Variants in LIPC observed in about 807,000 individuals in gnomAD.
LIPC encodes the protein lipase C, hepatic type.
LIPC carries 44 observed loss-of-function variants against 50.7 expected under a neutral mutation model. The ratio of observed to expected loss-of-function variants is 0.87; its 90% confidence interval spans 0.68 to 1.11. LIPC has a LOEUF of 1.11. Among genes scored for constraint, LIPC ranks in the 50% most tolerant of loss-of-function variants. The pLI is 0.00. For synonymous variants in LIPC, 271 were observed against 256.4 expected (o/e 1.06, Z -0.54); for missense variants, 697 against 648.2 (o/e 1.08, Z -0.82).
chr15:58,480,414 C>T (rs889941844), intron 1 of LIPC, among the ~76,000 whole-genome samples: 5 of 152,168 alleles, frequency 3.3e-5, no homozygotes, highest in African/African-American at 4.8e-5. Context: ...CCTGCCTTGG[C>T]GTCTCAAGTA....
At chr15:58,562,475 T>G (rs1253480750) in intron 7 of LIPC, among the ~76,000 whole-genome samples, 1 of 152,150 alleles carries the variant, frequency 6.6e-6, no homozygotes, top group East Asian at 1.9e-4. Context: ...CCATCTGTCC[T>G]TCACCCTGTT....
At chr15:58,511,238 T>C (rs1892321897) in intron 1 of LIPC, among the ~76,000 whole-genome samples, 1 of 152,150 alleles carries the variant, frequency 6.6e-6, no homozygotes, top group Non-Finnish European at 1.5e-5. Flanking sequence ...TTCTCAGCTG[T>C]TCATTCAACT....
At chr15:58,459,856 C>T (rs1249902207) in intron 1 of LIPC, among the ~76,000 whole-genome samples, 1 of 152,254 alleles carries the variant, frequency 6.6e-6, no homozygotes, top group East Asian at 1.9e-4. Flanking sequence ...TCAGCTTCCT[C>T]CTTCACAGGC....
At chr15:58,542,007 C>T in intron 3 of LIPC, 40 bp downstream of exon 3, 8 of 1,572,282 alleles carry the variant, frequency 5.1e-6, no homozygotes, top group Non-Finnish European at 6.9e-6. Flanking sequence ...TCCCTTCCCT[C>T]CTTTCCCTTC....
intron 1 of LIPC, among the ~76,000 whole-genome samples, chr15:58,434,373 G>T (rs1401931141): frequency 1.3e-5 from 2 of 152,154 alleles, no homozygotes; most frequent in African/African-American, 4.8e-5. Flanking sequence ...AGTCACTAAT[G>T]TGCTGCACAC....
intron 1 of LIPC, among the ~76,000 whole-genome samples, chr15:58,528,965 T>C (rs1892869594): frequency 6.6e-6 from 1 of 152,148 alleles, no homozygotes. Flanking sequence ...ATGAGGTAGG[T>C]GGCTCTGGGC....
chr15:58,544,750 C>T (rs1194526795), intron 4 of LIPC, among the ~76,000 whole-genome samples: 1 of 152,104 alleles, frequency 6.6e-6, no homozygotes, highest in South Asian at 2.1e-4. Flanking sequence ...GGTGATCTCA[C>T]GGCTCACTCT....
intron 1 of LIPC, among the ~76,000 whole-genome samples, chr15:58,442,538 C>G (rs1893542869): frequency 6.6e-6 from 1 of 152,198 alleles, no homozygotes; most frequent in Non-Finnish European, 1.5e-5. Context: ...GAAGAAAACT[C>G]TTACATTTCT....
At chr15:58,563,093 G>T (rs1184209802) in intron 7 of LIPC, among the ~76,000 whole-genome samples, 3 of 152,114 alleles carry the variant, frequency 2.0e-5, no homozygotes, top group Admixed American at 2.0e-4. Flanking sequence ...TATATGGGGG[G>T]AGGAGCATTA....
chr15:58,556,298 T>C (rs1893948555), intron 6 of LIPC, among the ~76,000 whole-genome samples: 1 of 152,152 alleles, frequency 6.6e-6, no homozygotes. Context: ...ATACAAGCAG[T>C]AGTGTGGTTC....
intron 1 of LIPC, among the ~76,000 whole-genome samples, chr15:58,531,663 A>T (rs1892965540): frequency 6.6e-6 from 1 of 151,352 alleles, no homozygotes; most frequent in South Asian, 2.1e-4. Flanking sequence ...TAAATCAGAC[A>T]TGAAAATAAC....
At chr15:58,445,024 G>C in intron 1 of LIPC, among the ~76,000 whole-genome samples, 1 of 152,246 alleles carries the variant, frequency 6.6e-6, no homozygotes, top group Non-Finnish European at 1.5e-5. Context: ...GGGGGCCTGT[G>C]CTGAAAGGTG....
intron 1 of LIPC, among the ~76,000 whole-genome samples, chr15:58,496,669 C>T (rs187978248): frequency 2.0e-5 from 3 of 148,324 alleles, no homozygotes; most frequent in Non-Finnish European, 1.5e-5. Flanking sequence ...CTTAATTATG[C>T]GTTAGCACAA....
Position 58,548,397 on chromosome 15 carries a change from C to G in LIPC, c.876C>G (p.His292Gln). The change falls in exon 6 of 9, where the codon CAC becomes CAG. Residue 292 changes from histidine (H) to glutamine (Q), a missense_variant. By Grantham distance (24) the His-to-Gln change is conservative. Coordinates refer to ENST00000299022, the MANE Select transcript of LIPC (RefSeq NM_000236.3). ...SVHLFIDSLL[H>Q]AGTQSMAYPC... Reference sequence around the variant, plus strand: ...ACCTTTTCATCGACTCCTTGCTGCACGCCGGCACGCAGAGCATGGCCTACC... The same window carrying G: ...ACCTTTTCATCGACTCCTTGCTGCAGGCCGGCACGCAGAGCATGGCCTACC... The G allele has an allele frequency of 6.2e-7, 1 of 1,614,152 alleles. No homozygotes were observed. The highest frequency in any genetic ancestry group is 8.5e-7 in the Non-Finnish European group (1 of 1,180,030).
intron 1 of LIPC, among the ~76,000 whole-genome samples, chr15:58,498,424 A>G (rs1440933901): frequency 1.3e-5 from 2 of 152,156 alleles, no homozygotes; most frequent in Non-Finnish European, 2.9e-5. Flanking sequence ...TATTGCCCCC[A>G]AGAGGGTGAA....
intron 1 of LIPC, among the ~76,000 whole-genome samples, chr15:58,483,717 G>T (rs1458201598): frequency 6.6e-6 from 1 of 151,980 alleles, no homozygotes; most frequent in African/African-American, 2.4e-5. Flanking sequence ...ATATCTCTTG[G>T]CAAGTTGTCC....
rs139442524 is a variant in LIPC, at chr15:58,477,081, G to A, written c.88+44961G>A. Among the ~76,000 whole-genome samples, 26 of 152,236 alleles carry A rather than the reference G, an allele frequency of 1.7e-4. No individual in the cohort carries two copies. In the East Asian group the frequency reaches 3.9e-3, roughly 23 times the overall value. ...CTTTCCCCTACAAACTCCTATAGGCGGCCACATTTTTCTTTTAAAGATATT... is the reference window on the plus strand; with the variant it reads ...CTTTCCCCTACAAACTCCTATAGGCAGCCACATTTTTCTTTTAAAGATATT... On this transcript the variant is annotated intron_variant, in intron 1 of 8. Transcript: ENST00000299022.
At chr15:58,550,188 C>T (rs1251290708) in intron 6 of LIPC, among the ~76,000 whole-genome samples, 1 of 152,050 alleles carries the variant, frequency 6.6e-6, no homozygotes, top group Non-Finnish European at 1.5e-5. Context: ...CTAAACCTGC[C>T]GCTGGTCTGT....
At chr15:58,444,553 G>A (rs1473381802) in intron 1 of LIPC, among the ~76,000 whole-genome samples, 2 of 152,170 alleles carry the variant, frequency 1.3e-5, no homozygotes, top group Non-Finnish European at 2.9e-5. Context: ...GGGGTCAGCA[G>A]GGTGGGTTTC....
Sources: gnomAD v4.1 joint callset for allele counts (sites outside exome capture counted in the v4.1 genomes callset) on GRCh38, gnomAD v4.1.1 for gene constraint, MANE v1.5 for transcripts, NCBI Gene and HGNC (gene_info 2026-07-23, HGNC 2026-07-21) for gene names.